NAV3: variants seen among roughly 807,000 people sequenced by gnomAD.
NAV3 encodes the protein neuron navigator 3.
A neutral mutation model predicts 244.7 loss-of-function variants in NAV3; 87 were observed. That is an observed-to-expected ratio of 0.36 (90% CI 0.30 to 0.42). NAV3 has a LOEUF of 0.42. NAV3 is among the 20% of genes least tolerant of loss of function. NAV3 has a pLI of 1.00. For synonymous variants in NAV3, 1,126 were observed against 1,042.2 expected (o/e 1.08, Z -1.55); for missense variants, 2,663 against 2,893.3 (o/e 0.92, Z 1.83).
chr12:78,173,714 C>T (rs949959894), intron 24 of NAV3, among the ~76,000 whole-genome samples: 1 of 148,730 alleles, frequency 6.7e-6, no homozygotes, highest in Non-Finnish European at 1.5e-5. Context: ...CTTTTTAAAA[C>T]AATGTTAAGA....
chr12:78,054,984 G>A (rs572452225), intron 11 of NAV3, among the ~76,000 whole-genome samples: 30 of 152,150 alleles, frequency 2.0e-4, no homozygotes, highest in South Asian at 1.5e-3. Flanking sequence ...TAAGGCTCCT[G>A]GGAAAAGAAT....
At chr12:77,632,827 G>A (rs1235738463) in intron 2 of NAV3, among the ~76,000 whole-genome samples, 1 of 152,012 alleles carries the variant, frequency 6.6e-6, no homozygotes, top group African/African-American at 2.4e-5. Flanking sequence ...GCAGGTATAA[G>A]CGTTTTTAGA....
In NAV3 at chr12:78,060,126, A is replaced by G. The variant is rs548656954; in HGVS notation, c.2636+1011A>G. Among the ~76,000 whole-genome samples, 5 of 152,262 alleles carry G rather than the reference A, an allele frequency of 3.3e-5. No individual in the cohort carries two copies. In the East Asian group the frequency reaches 9.6e-4, roughly 29 times the overall value. ...TGATTTTGCTCCCTCTTCACTCAGA[A>G]TTTTGACTTTGTTGAGCAGGAAGGG... On this transcript the variant is annotated intron_variant, in intron 12 of 39. Coordinates refer to ENST00000397909, the MANE Select transcript of NAV3 (RefSeq NM_001024383.2).
intron 2 of NAV3, among the ~76,000 whole-genome samples, chr12:77,818,183 T>A (rs1242097695): frequency 6.6e-6 from 1 of 152,150 alleles, no homozygotes; most frequent in African/African-American, 2.4e-5. Flanking sequence ...TAGTAAGCCA[T>A]GCAACTGAAC....
chr12:77,582,785 C>T (rs929924045), intron 2 of NAV3, among the ~76,000 whole-genome samples: 12 of 152,190 alleles, frequency 7.9e-5, no homozygotes, highest in African/African-American at 2.9e-4. Context: ...ACCAAGTTCA[C>T]ATTTGGTATT....
upstream of NAV3, among the ~76,000 whole-genome samples, chr12:77,829,385 AG>A (rs1384458879): frequency 6.6e-6 from 1 of 152,174 alleles, no homozygotes; most frequent in African/African-American, 2.4e-5. Context: ...ATACTCCCAA[AG>A]TTGCATATGT....
At chr12:78,005,509 C>A (rs1283129685) in intron 7 of NAV3, among the ~76,000 whole-genome samples, 1 of 152,184 alleles carries the variant, frequency 6.6e-6, no homozygotes, top group Non-Finnish European at 1.5e-5. Context: ...GTTGGCAATG[C>A]AGAACCTCAG....
rs568599403 is a variant in NAV3, at chr12:78,157,428, G to T, written c.4786-1775G>T. On this transcript the variant is annotated intron_variant, in intron 22 of 39. Coordinates refer to ENST00000397909, the MANE Select transcript of NAV3 (RefSeq NM_001024383.2). ...AAAAAAAAAGTAGCTGGGCATGTTG[G>T]TACATGCCTATAGTTCTTGCTACTT... Among the ~76,000 whole-genome samples, 4 of 151,780 alleles carry T rather than the reference G, an allele frequency of 2.6e-5. No individual in the cohort carries two copies. In the South Asian group the frequency reaches 8.3e-4, roughly 32 times the overall value.
intron 1 of NAV3, among the ~76,000 whole-genome samples, chr12:77,858,949 CCCTGA>C (rs1293057825): frequency 1.3e-5 from 2 of 152,028 alleles, no homozygotes; most frequent in Non-Finnish European, 2.9e-5. Context: ...AAGTTCTTTA[CCCTGA>C]CCTAAGTTCA....
intron 1 of NAV3, among the ~76,000 whole-genome samples, chr12:77,900,891 T>A (rs193019219): frequency 6.6e-6 from 1 of 152,338 alleles, no homozygotes; most frequent in African/African-American, 2.4e-5. Flanking sequence ...CTTGCTAGCA[T>A]CTGTAGTTTG....
chr12:78,179,490 C>T, intron 28 of NAV3, 39 bp from the exon 29 acceptor site: 1 of 1,611,450 alleles, frequency 6.2e-7, no homozygotes, highest in Non-Finnish European at 8.5e-7. Flanking sequence ...AATCCTCTGG[C>T]TTCCCCAGGC....
intron 20 of NAV3, among the ~76,000 whole-genome samples, chr12:78,144,722 T>C (rs1956779996): frequency 6.6e-6 from 1 of 151,198 alleles, no homozygotes; most frequent in South Asian, 2.1e-4. Context: ...AAGAATAAAT[T>C]ATTATTTAAA....
intron 12 of NAV3, among the ~76,000 whole-genome samples, chr12:78,111,246 A>G (rs918902676): frequency 2.0e-5 from 3 of 152,124 alleles, no homozygotes; most frequent in African/African-American, 2.4e-5. Context: ...ATGCGTACAA[A>G]TAAAAATAAT....
intron 2 of NAV3, among the ~76,000 whole-genome samples, chr12:77,787,014 T>G (rs1870934664): frequency 6.6e-6 from 1 of 151,984 alleles, no homozygotes; most frequent in Non-Finnish European, 1.5e-5. Flanking sequence ...GTACTCCCTT[T>G]AACCCCCTAT....
At chr12:77,768,066 C>T (rs1189106241) in intron 2 of NAV3, among the ~76,000 whole-genome samples, 3 of 152,168 alleles carry the variant, frequency 2.0e-5, no homozygotes, top group African/African-American at 7.2e-5. Flanking sequence ...AAGTGTGCAG[C>T]CCTCAGTGGA....
chr12:77,593,651 T>A (rs1388196785), intron 2 of NAV3, among the ~76,000 whole-genome samples: 1 of 148,614 alleles, frequency 6.7e-6, no homozygotes, highest in Non-Finnish European at 1.5e-5. Context: ...TTTTTTTGTA[T>A]TTTTAGTAGA....
At chr12:78,160,402 T>C (rs1322283527) in intron 23 of NAV3, among the ~76,000 whole-genome samples, 3 of 90,480 alleles carry the variant, frequency 3.3e-5, no homozygotes, top group African/African-American at 1.1e-4. Flanking sequence ...TGTGTGTGCG[T>C]GCGTGTGTGT....
chr12:78,138,527 C>A (rs1956469974), intron 19 of NAV3, among the ~76,000 whole-genome samples: 1 of 152,070 alleles, frequency 6.6e-6, no homozygotes, highest in Admixed American at 6.6e-5. Context: ...ATTAACCAAA[C>A]CACTCAGTTC....
intron 12 of NAV3, among the ~76,000 whole-genome samples, chr12:78,074,242 ATTT>A (rs1485909734): frequency 6.6e-6 from 1 of 152,232 alleles, no homozygotes; most frequent in South Asian, 2.1e-4. Context: ...ATTCTTGGAT[ATTT>A]TATAGACTTC....
Sources: allele counts gnomAD v4.1 joint callset (sites outside exome capture counted in the v4.1 genomes callset), GRCh38; gene constraint gnomAD v4.1.1; transcripts MANE v1.5; gene names NCBI Gene and HGNC (gene_info 2026-07-23, HGNC 2026-07-21).